The following SOX2 variants were observed in gnomAD, a reference collection of about 807,000 sequenced individuals.
The protein encoded by SOX2 is transcription factor SOX-2.
Under a neutral mutation model 19.7 loss-of-function variants are expected in SOX2, and 2 were observed. That is an observed-to-expected ratio of 0.10 (90% confidence interval 0.04 to 0.32). The LOEUF (loss-of-function observed/expected upper bound fraction) is 0.32, where lower values mean the gene tolerates loss of function less well. SOX2 is among the 10% of genes least tolerant of loss of function. The probability of loss-of-function intolerance (pLI) is 1.00; values close to 1 mark genes in which losing one functional copy is unlikely to be tolerated. For missense variants in SOX2, 294 were observed against 459.9 expected, an observed-to-expected ratio of 0.64 and a Z score of 3.30; for synonymous variants, 211 against 196.8, an observed-to-expected ratio of 1.07 and a Z score of -0.60.
chr3:181,712,799 G>T lies in SOX2; in HGVS notation c.439G>T (p.Ala147Ser). Reference protein sequence around the residue: ...NSMASGVGVGAGLGAGVNQRM... With the variant: ...NSMASGVGVGSGLGAGVNQRM... Reference sequence around the variant, plus strand: ...CATGGCGAGCGGGGTCGGGGTGGGCGCCGGCCTGGGCGCGGGCGTGAACCA... The same window carrying T: ...CATGGCGAGCGGGGTCGGGGTGGGCTCCGGCCTGGGCGCGGGCGTGAACCA... Residue 147 changes from alanine (A) to serine (S), a missense_variant, in exon 1 of 1, where the codon GCC (alanine) becomes TCC (serine). Ala to Ser is a moderately conservative substitution (Grantham distance 99). Coordinates refer to ENST00000325404, the MANE Select transcript of SOX2 (RefSeq NM_003106.4). The surrounding 1 kb of genome is among the most constrained non-coding windows in gnomAD (Gnocchi z 8.5). 1 of 1,600,322 alleles carries T rather than the reference G, an allele frequency of 6.2e-7. No homozygotes were observed. The highest frequency in any genetic ancestry group is 1.1e-5 in the South Asian group (1 of 89,956).
chr3:181,713,517 C>T lies in SOX2; in HGVS notation c.*203C>T. ...AATCCCATCCACACTCACGCAAAAACCGCGATGCCGACAAGAAAACTTTTA... is the reference window on the plus strand; with the variant it reads ...AATCCCATCCACACTCACGCAAAAATCGCGATGCCGACAAGAAAACTTTTA... On this transcript the variant is annotated 3_prime_UTR_variant, in exon 1 of 1. Transcript: ENST00000325404. The T allele has an allele frequency of 1.5e-6, 1 of 689,068 alleles. No individual in the cohort carries two copies. 42.7% of individuals were successfully genotyped at this position (689,068 alleles called of 1,614,324 possible).
rs773527487 is a variant in SOX2 at position 181,713,153 on chromosome 3, T to C, written c.793T>C (p.Cys265Arg). ...VTSSSHSRAP[C>R]QAGDLRDMIS... Reference sequence around the variant, plus strand: ...CTCTTCCTCCCACTCCAGGGCGCCCTGCCAGGCCGGGGACCTCCGGGACAT... The same window carrying C: ...CTCTTCCTCCCACTCCAGGGCGCCCCGCCAGGCCGGGGACCTCCGGGACAT... The change falls in exon 1 of 1, where the codon TGC becomes CGC. Residue 265 changes from cysteine to arginine, a missense_variant. Transcript: ENST00000325404. The C allele has an allele frequency of 3.7e-6, 6 of 1,613,514 alleles. No homozygotes were observed.
Position 181,713,116 on chromosome 3 carries a change from C to T in SOX2, c.756C>T (p.Pro252=), listed in dbSNP as rs1313232037. 8 of 1,613,814 alleles carry T rather than the reference C, an allele frequency of 5.0e-6. No individual in the cohort carries two copies. In the African/African-American group the frequency reaches 9.3e-5, roughly 19 times the overall value. Residue 252 remains proline, a synonymous_variant, in exon 1 of 1, where the codon CCC becomes CCT. Transcript: ENST00000325404. The part of the protein sequence containing the change: ...SVVKSEASSS[P]PVVTSSSHSR... Reference sequence around the variant, plus strand: ...TCAAGTCCGAGGCCAGCTCCAGCCCCCCTGTGGTTACCTCTTCCTCCCACT... The same window carrying T: ...TCAAGTCCGAGGCCAGCTCCAGCCCTCCTGTGGTTACCTCTTCCTCCCACT...
chr3:181,712,259 C>A lies in SOX2; in HGVS notation c.-102C>A. 1 of 937,554 alleles carries A rather than the reference C, an allele frequency of 1.1e-6. No homozygotes were observed. Among genetic ancestry groups the A allele is most frequent in the Non-Finnish European group, 1.4e-6 (1 of 714,640 alleles). The allele number at this position is 937,554 out of a possible 1,614,324, so 58.1% of individuals were successfully genotyped here. A position where few individuals can be genotyped will look rare whatever the true frequency, so the allele number is the denominator to read the frequency against. Reference sequence around the variant, plus strand: ...GCCCTGCGCTCCCGACACCCCCGCCCGCCTCCCCTCCTCCTCTCCCCCCGC... The same window carrying A: ...GCCCTGCGCTCCCGACACCCCCGCCAGCCTCCCCTCCTCCTCTCCCCCCGC... On this transcript the variant is annotated 5_prime_UTR_variant, in exon 1 of 1. Coordinates refer to ENST00000325404, the MANE Select transcript of SOX2 (RefSeq NM_003106.4). The surrounding 1 kb of genome is among the most constrained non-coding windows in gnomAD (Gnocchi z 8.5).
rs1560264163 is a variant in SOX2, at chr3:181,712,417, G to GGGC, written c.67_69dup (p.Gly23dup). The GGGC allele has an allele frequency of 3.1e-6, 5 of 1,594,764 alleles. No individual in the cohort carries two copies. Among genetic ancestry groups the GGGC allele is most frequent in the Non-Finnish European group, 4.3e-6 (5 of 1,170,908 alleles). ...CGCCGGGCCCGCAGCAAACTTCGGG[G>GGGC]GGCGGCGGCGGCAACTCCACCGCGG... is the stretch of plus-strand genomic sequence containing the variant. On this transcript the variant is annotated inframe_insertion, in exon 1 of 1. Transcript: ENST00000325404. The surrounding 1 kb of genome is among the most constrained non-coding windows in gnomAD (Gnocchi z 8.5).
In SOX2 at chr3:181,713,219, G is replaced by A. The variant is rs760688357; in HGVS notation, c.859G>A (p.Ala287Thr). 15 of 1,612,416 alleles carry A rather than the reference G, an allele frequency of 9.3e-6. No homozygotes were observed. Among genetic ancestry groups the A allele is most frequent in the South Asian group, 1.1e-5 (1 of 91,054 alleles). ...CCCCGGCGCCGAGGTGCCGGAACCC[G>A]CCGCCCCCAGCAGACTTCACATGTC... ...YLPGAEVPEP[A>T]APSRLHMSQH... Residue 287 changes from alanine (A) to threonine (T), a missense_variant, in exon 1 of 1, where the codon GCC becomes ACC. Coordinates refer to ENST00000325404, the MANE Select transcript of SOX2 (RefSeq NM_003106.4).
chr3:181,712,165 G>T lies in SOX2; in HGVS notation c.-196G>T. On this transcript the variant is annotated 5_prime_UTR_variant, in exon 1 of 1. Coordinates refer to ENST00000325404, the MANE Select transcript of SOX2 (RefSeq NM_003106.4). This position sits in a 1 kb window ranked among gnomAD's most constrained non-coding sequence, Gnocchi z 8.5. ...AGAGGAGGAGGGAAGCGCTTTTTTT[G>T]ATCCTGATTCCAGTTTGCCTCTCTC... The T allele has an allele frequency of 2.4e-6, 1 of 409,876 alleles. No individual in the cohort carries two copies. The highest frequency in any genetic ancestry group is 4.2e-6 in the Non-Finnish European group (1 of 240,446). 25.4% of individuals were successfully genotyped at this position (409,876 alleles called of 1,614,324 possible). A position where few individuals can be genotyped will look rare whatever the true frequency, so the allele number is the denominator to read the frequency against.
In SOX2 at chr3:181,712,728, A is replaced by T. The variant is rs1249553271; in HGVS notation, c.368A>T (p.Asp123Val). The T allele has an allele frequency of 6.2e-7, 1 of 1,612,912 alleles. No homozygotes were observed. The highest frequency in any genetic ancestry group is 1.1e-5 in the South Asian group (1 of 91,008). ...AAAACCAAGACGCTCATGAAGAAGG[A>T]TAAGTACACGCTGCCCGGCGGGCTG... ...RRKTKTLMKK[D>V]KYTLPGGLLA... Residue 123 changes from aspartate (D) to valine (V), a missense_variant, in exon 1 of 1, where the codon GAT becomes GTT. This residue lies in a region of SOX2 where 223 missense variants were observed against 292.7 expected (regional missense o/e 0.76). Transcript: ENST00000325404. This position sits in a 1 kb window ranked among gnomAD's most constrained non-coding sequence, Gnocchi z 8.5.
chr3:181,712,735 C>T lies in SOX2; in HGVS notation c.375C>T (p.Tyr125=), dbSNP rs781054227. The T allele has an allele frequency of 1.2e-6, 2 of 1,611,810 alleles. No homozygotes were observed. The highest frequency in any genetic ancestry group is 1.3e-5 in the African/African-American group (1 of 74,998). Residue 125 remains tyrosine (Y), a synonymous_variant, in exon 1 of 1, where the codon TAC becomes TAT. Coordinates refer to ENST00000325404, the MANE Select transcript of SOX2 (RefSeq NM_003106.4). The surrounding 1 kb of genome is among the most constrained non-coding windows in gnomAD (Gnocchi z 8.5). ...AGACGCTCATGAAGAAGGATAAGTA[C>T]ACGCTGCCCGGCGGGCTGCTGGCCC... ...KTKTLMKKDK[Y]TLPGGLLAPG...
rs1174052971 is a variant in SOX2, at chr3:181,713,318, C to T, written c.*4C>T. ...ACTGCCCCTCTCACACATGTGAGGG[C>T]CGGACAGCGAACTGGAGGGGGGAGA... On this transcript the variant is annotated 3_prime_UTR_variant, in exon 1 of 1. Coordinates refer to ENST00000325404, the MANE Select transcript of SOX2 (RefSeq NM_003106.4). 7 of 1,563,864 alleles carry T rather than the reference C, an allele frequency of 4.5e-6. No individual in the cohort carries two copies. In the African/African-American group the frequency reaches 5.5e-5, roughly 12 times the overall value.
rs2108523357 is a variant in SOX2 at position 181,713,118 on chromosome 3, C to T, written c.758C>T (p.Pro253Leu). The T allele has an allele frequency of 6.2e-7, 1 of 1,613,904 alleles. No individual in the cohort carries two copies. The highest frequency in any genetic ancestry group is 8.5e-7 in the Non-Finnish European group (1 of 1,180,028). The change falls in exon 1 of 1, where the codon CCT (proline) becomes CTT (leucine). Residue 253 changes from proline (P) to leucine (L), a missense_variant. By Grantham distance (98) the Pro-to-Leu change is moderately conservative. Transcript: ENST00000325404. ...VVKSEASSSP[P>L]VVTSSSHSRA... ...AAGTCCGAGGCCAGCTCCAGCCCCCCTGTGGTTACCTCTTCCTCCCACTCC... is the reference window on the plus strand; with the variant it reads ...AAGTCCGAGGCCAGCTCCAGCCCCCTTGTGGTTACCTCTTCCTCCCACTCC...
At position 181,713,431 on chromosome 3, in the gene SOX2, GAAAAA is replaced by G. The variant is rs1423855144; in HGVS notation, c.*118_*122del. ...GGAGAAAACCCGGTACGCTCAAAAA[GAAAAA>G]GGAAAAAAAAAAATCCCATCACCCA... is the stretch of plus-strand genomic sequence containing the variant. On this transcript the variant is annotated 3_prime_UTR_variant, in exon 1 of 1. Coordinates refer to ENST00000325404, the MANE Select transcript of SOX2 (RefSeq NM_003106.4). 6.9e-6 allele frequency: 9 copies of G among 1,297,136 alleles called. No individual in the cohort carries two copies. Among genetic ancestry groups the G allele is most frequent in the South Asian group, 2.8e-5 (2 of 72,160 alleles). The allele number at this position is 1,297,136 out of a possible 1,614,324, so 80.4% of individuals were successfully genotyped here.
chr3:181,713,704 A>T lies in SOX2; in HGVS notation c.*390A>T, dbSNP rs1714906529. ...GTGGTACGGTAGGAGCTTTGCAGGA[A>T]GTTTGCAAAAGTCTTTACCAATAAT... On this transcript the variant is annotated 3_prime_UTR_variant, in exon 1 of 1. Coordinates refer to ENST00000325404, the MANE Select transcript of SOX2 (RefSeq NM_003106.4). 1 of 347,086 alleles carries T rather than the reference A, an allele frequency of 2.9e-6. No homozygotes were observed. Among genetic ancestry groups the T allele is most frequent in the Admixed American group, 4.5e-5 (1 of 22,166 alleles). The allele number at this position is 347,086 out of a possible 1,614,324, so 21.5% of individuals were successfully genotyped here.
rs765982831 is a variant in SOX2, at chr3:181,712,487, C to A, written c.127C>A (p.Arg43=). The A allele has an allele frequency of 3.7e-6, 6 of 1,613,810 alleles. No homozygotes were observed. In the East Asian group the frequency reaches 1.1e-4, roughly 30 times the overall value. Reference sequence around the variant, plus strand: ...GAAAAACAGCCCGGACCGCGTCAAGCGGCCCATGAATGCCTTCATGGTGTG... The same window carrying A: ...GAAAAACAGCCCGGACCGCGTCAAGAGGCCCATGAATGCCTTCATGGTGTG... The part of the protein sequence containing the change: ...NQKNSPDRVK[R]PMNAFMVWSR... Residue 43 remains arginine (R), a synonymous_variant, in exon 1 of 1, where the codon CGG becomes AGG. Transcript: ENST00000325404. This position sits in a 1 kb window ranked among gnomAD's most constrained non-coding sequence, Gnocchi z 8.5.
chr3:181,713,697 T>C lies in SOX2; in HGVS notation c.*383T>C, dbSNP rs1714906293. On this transcript the variant is annotated 3_prime_UTR_variant, in exon 1 of 1. Transcript: ENST00000325404. ...AGTTCTAGTGGTACGGTAGGAGCTT[T>C]GCAGGAAGTTTGCAAAAGTCTTTAC... 2.8e-6 allele frequency: 1 copy of C among 356,338 alleles called. No homozygotes were observed. Among genetic ancestry groups the C allele is most frequent in the Non-Finnish European group, 5.3e-6 (1 of 186,998 alleles). 22.1% of individuals were successfully genotyped at this position (356,338 alleles called of 1,614,324 possible).
Position 181,712,047 on chromosome 3 carries a change from GGAGA to G in SOX2, c.-309_-306del, listed in dbSNP as rs1714815808. 3.1e-6 allele frequency: 1 copy of G among 321,936 alleles called. No individual in the cohort carries two copies. The highest frequency in any genetic ancestry group is 2.1e-5 in the African/African-American group (1 of 47,366). The allele number at this position is 321,936 out of a possible 1,614,324, so 19.9% of individuals were successfully genotyped here. ...AAGACTAGGACTGAGAGAAAGAAGA[GGAGA>G]GAGAAAGAAAGGGAGAGAAGTTTGA... On this transcript the variant is annotated 5_prime_UTR_variant, in exon 1 of 1. Coordinates refer to ENST00000325404, the MANE Select transcript of SOX2 (RefSeq NM_003106.4). This position sits in a 1 kb window ranked among gnomAD's most constrained non-coding sequence, Gnocchi z 8.5.
chr3:181,713,377 G>A lies in SOX2; in HGVS notation c.*63G>A. ...AAGAAAAACGAGGGAAATGGGAGGG[G>A]TGCAAAAGAGGAGAGTAAGAAACAG... On this transcript the variant is annotated 3_prime_UTR_variant, in exon 1 of 1. Transcript: ENST00000325404. 1 of 1,546,678 alleles carries A rather than the reference G, an allele frequency of 6.5e-7. No individual in the cohort carries two copies. The highest frequency in any genetic ancestry group is 1.2e-5 in the South Asian group (1 of 84,016).
chr3:181,712,308 C>T lies in SOX2; in HGVS notation c.-53C>T. On this transcript the variant is annotated 5_prime_UTR_variant, in exon 1 of 1. Transcript: ENST00000325404. The surrounding 1 kb of genome is among the most constrained non-coding windows in gnomAD (Gnocchi z 8.5). ...GCCCGCGGGCCCCCCAAAGTCCCGG[C>T]CGGGCCGAGGGTCGGCGGCCGCCGG... 7.6e-7 allele frequency: 1 copy of T among 1,310,788 alleles called. No homozygotes were observed. The highest frequency in any genetic ancestry group is 9.7e-7 in the Non-Finnish European group (1 of 1,035,040). The allele number at this position is 1,310,788 out of a possible 1,614,324, so 81.2% of individuals were successfully genotyped here.
At position 181,713,761 on chromosome 3, in the gene SOX2, AT is replaced by A. The variant is rs1446017243; in HGVS notation, c.*448del. ...AGCTAGTCTCCAAGCGACGAAAAAA[AT>A]GTTTTAATATTTGCAAGCAACTTTT... On this transcript the variant is annotated 3_prime_UTR_variant, in exon 1 of 1. Transcript: ENST00000325404. 1.0e-5 allele frequency: 3 copies of A among 288,480 alleles called. No individual in the cohort carries two copies. The highest frequency in any genetic ancestry group is 9.5e-5 in the South Asian group (1 of 10,560). 17.9% of individuals were successfully genotyped at this position (288,480 alleles called of 1,614,324 possible). A position where few individuals can be genotyped will look rare whatever the true frequency, so the allele number is the denominator to read the frequency against.
Sources: gnomAD v4.1 joint callset for allele counts on GRCh38, gnomAD v4.1.1 for gene constraint, gnomAD v4.1.1 regional missense constraint, Gnocchi (gnomAD v3.1) non-coding constraint, MANE v1.5 for transcripts, NCBI Gene and HGNC (gene_info 2026-07-23, HGNC 2026-07-21) for gene names.